Variants in TBC1D5 observed in about 807,000 individuals in gnomAD.
TBC1D5 encodes the protein TBC1 domain family, member 5.
In TBC1D5, 75 loss-of-function variants were observed where a neutral mutation model predicts 100.3. The ratio of observed to expected loss-of-function variants is 0.75; its 90% CI spans 0.62 to 0.91. The LOEUF (loss-of-function observed/expected upper bound fraction) is 0.91, where lower values mean the gene tolerates loss of function less well. Ranked by LOEUF, TBC1D5 falls within the 40% of genes least tolerant of loss-of-function variation. The probability of loss-of-function intolerance (pLI) is 0.00; values close to 1 mark genes in which losing one functional copy is unlikely to be tolerated. For missense variants in TBC1D5, 910 were observed against 942.4 expected (o/e 0.97, Z 0.45); for synonymous variants, 323 against 325.6 (o/e 0.99, Z 0.09).
At chr3:17,575,648 T>A (rs757298377) in intron 2 of TBC1D5, among the ~76,000 whole-genome samples, 7 of 152,090 alleles carry the variant, frequency 4.6e-5, no homozygotes, top group Non-Finnish European at 5.9e-5. Flanking sequence ...ATCCCTATGA[T>A]GGGGAGGATT....
intron 15 of TBC1D5, among the ~76,000 whole-genome samples, chr3:17,258,810 TTCA>T (rs1021410805): frequency 7.2e-5 from 11 of 152,170 alleles, no homozygotes; most frequent in African/African-American, 2.4e-4. Flanking sequence ...TTAATATTTA[TTCA>T]TCATTAGATT....
At chr3:17,484,298 A>C (rs1232223803) in intron 3 of TBC1D5, among the ~76,000 whole-genome samples, 1 of 152,184 alleles carries the variant, frequency 6.6e-6, no homozygotes, top group East Asian at 1.9e-4. Context: ...GAGATAACAA[A>C]ACAGTTTACT....
intron 14 of TBC1D5, among the ~76,000 whole-genome samples, chr3:17,297,331 C>T (rs750668197): frequency 2.6e-5 from 4 of 152,172 alleles, no homozygotes; most frequent in African/African-American, 9.7e-5. Flanking sequence ...AATCCCAGAA[C>T]TTTGGAAGGC....
intron 9 of TBC1D5, among the ~76,000 whole-genome samples, chr3:17,381,408 G>A (rs1333893002): frequency 6.6e-6 from 1 of 151,806 alleles, no homozygotes; most frequent in East Asian, 1.9e-4. Flanking sequence ...TTTACTACGG[G>A]GTATTTTCAA....
chr3:17,485,287 A>AATTAT (rs928029703), intron 3 of TBC1D5, among the ~76,000 whole-genome samples: 1 of 150,938 alleles, frequency 6.6e-6, no homozygotes, highest in Non-Finnish European at 1.5e-5. Flanking sequence ...TTTTTAGTAA[A>AATTAT]ATTTTATTTT....
At chr3:17,267,389 G>C (rs190605725) in intron 15 of TBC1D5, among the ~76,000 whole-genome samples, 2 of 151,872 alleles carry the variant, frequency 1.3e-5, no homozygotes, top group African/African-American at 4.8e-5. Flanking sequence ...TGTCAGTAAT[G>C]GTGGGGGTGG....
intron 13 of TBC1D5, chr3:17,340,759 G>C (rs541604241): frequency 6.6e-6 from 1 of 152,346 alleles, no homozygotes; most frequent in South Asian, 2.1e-4. Context: ...AGTCAATGAT[G>C]GGGTGGGGAG....
Position 17,295,051 on chromosome 3 carries a change from G to A in TBC1D5, c.1139-3050C>T, listed in dbSNP as rs1469158434. 5.9e-5 allele frequency among the ~76,000 whole-genome samples: 9 copies of A among 152,276 alleles called. 1 individual carries two copies. In the East Asian group the frequency reaches 9.6e-4, roughly 16 times the overall value. On this transcript the variant is annotated intron_variant, in intron 14 of 21. Transcript: ENST00000253692. ...AAAGCAGGGCAGAGACATGAAGTAA[G>A]AAGTGAAAGATTAAGAAAAATTATT...
At chr3:17,540,532 C>A (rs969836502) in intron 2 of TBC1D5, among the ~76,000 whole-genome samples, 3 of 152,044 alleles carry the variant, frequency 2.0e-5, no homozygotes, top group Non-Finnish European at 4.4e-5. Flanking sequence ...TCATTTTTTA[C>A]ATGTGGCTAT....
chr3:17,164,589 G>T (rs574158749), intron 21 of TBC1D5, among the ~76,000 whole-genome samples: 1 of 152,206 alleles, frequency 6.6e-6, no homozygotes, highest in Non-Finnish European at 1.5e-5. Context: ...CTCTCTTGGC[G>T]CATGTTCCTG....
At chr3:17,371,068 T>TACACAC (rs111820681) in intron 13 of TBC1D5, among the ~76,000 whole-genome samples, 1,917 of 146,488 alleles carry the variant, frequency 0.013, 26 homozygotes, top group South Asian at 0.043. Flanking sequence ...ACTGAAAAAA[T>TACACAC]ACACACACAC....
In TBC1D5 at chr3:17,304,919, T is replaced by A. The variant is rs76300538; in HGVS notation, c.1138+3073A>T. Among the ~76,000 whole-genome samples, 11 of 152,300 alleles carry A rather than the reference T, an allele frequency of 7.2e-5. No individual in the cohort carries two copies. In the East Asian group the frequency reaches 1.7e-3, roughly 24 times the overall value. ...CAAAGATCACTCTATATCTGCTATCTCCATATTCTTTGTTTTTATTTAGTT... is the reference window on the plus strand; with the variant it reads ...CAAAGATCACTCTATATCTGCTATCACCATATTCTTTGTTTTTATTTAGTT... On this transcript the variant is annotated intron_variant, in intron 14 of 21. Coordinates refer to ENST00000253692, the Ensembl canonical transcript of TBC1D5.
At chr3:17,454,278 A>G (rs1214176660) in intron 3 of TBC1D5, among the ~76,000 whole-genome samples, 1 of 152,154 alleles carries the variant, frequency 6.6e-6, no homozygotes, top group Non-Finnish European at 1.5e-5. Context: ...TTGGACAATC[A>G]GATGAGATAA....
intron 1 of TBC1D5, among the ~76,000 whole-genome samples, chr3:17,685,896 CTTAATTA>C (rs1432092826): frequency 6.6e-6 from 1 of 152,044 alleles, no homozygotes; most frequent in Non-Finnish European, 1.5e-5. Flanking sequence ...TAAGAAGAGC[CTTAATTA>C]TTACAGATGG....
chr3:17,398,308 T>C (rs1387726121), intron 8 of TBC1D5, among the ~76,000 whole-genome samples: 1 of 151,902 alleles, frequency 6.6e-6, no homozygotes, highest in African/African-American at 2.4e-5. Context: ...GCAAAACGCT[T>C]TGAGGCAAAA....
Position 17,393,427 on chromosome 3 carries a change from T to A in TBC1D5, c.510-9412A>T, listed in dbSNP as rs1321800023. 3.3e-5 allele frequency among the ~76,000 whole-genome samples: 5 copies of A among 152,074 alleles called. No homozygotes were observed. The East Asian group carries it at 9.7e-4, about 29-fold the overall frequency. On this transcript the variant is annotated intron_variant, in intron 8 of 21. Coordinates refer to ENST00000253692, the Ensembl canonical transcript of TBC1D5. ...AGTAATTTACAGATTCAATGCTATT[T>A]CCATCAACCTACCATTGACTGTCTT...
chr3:17,476,307 G>A (rs956440869), intron 3 of TBC1D5, among the ~76,000 whole-genome samples: 3 of 151,760 alleles, frequency 2.0e-5, no homozygotes, highest in African/African-American at 4.8e-5. Context: ...GGAGAATTTG[G>A]TATTGTTAGT....
intron 3 of TBC1D5, among the ~76,000 whole-genome samples, chr3:17,436,916 T>C (rs1011012786): frequency 2.0e-5 from 3 of 152,188 alleles, no homozygotes; most frequent in African/African-American, 7.2e-5. Flanking sequence ...CAAGTAGAAC[T>C]ACCCAATTTA....
chr3:17,346,310 A>G lies in TBC1D5; in HGVS notation c.995+25765T>C, dbSNP rs533205132. Among the ~76,000 whole-genome samples, 153 of 152,286 alleles carry G rather than the reference A, an allele frequency of 1.0e-3. 1 individual carries two copies. The highest frequency in any genetic ancestry group is 3.6e-3 in the African/African-American group (148 of 41,572). On this transcript the variant is annotated intron_variant, in intron 13 of 21. Coordinates refer to ENST00000253692, the Ensembl canonical transcript of TBC1D5. ...TCACCTTTGCTAACCTAATAAGCAA[A>G]TATGACATACCCTTGCTTTAATTAG...
Sources: allele counts gnomAD v4.1 joint callset (sites outside exome capture counted in the v4.1 genomes callset), GRCh38; gene constraint gnomAD v4.1.1; transcripts MANE v1.5; gene names NCBI Gene and HGNC (gene_info 2026-07-23, HGNC 2026-07-21).